GMCL1: variants seen among roughly 807,000 people sequenced by gnomAD.
GMCL1 encodes germ cell-less 1, spermatogenesis associated, also known as germ cell-less protein-like 1.
In GMCL1, 54 loss-of-function variants were observed where a neutral mutation model predicts 75.5. The ratio of observed to expected loss-of-function variants is 0.71; its 90% CI spans 0.57 to 0.90. The LOEUF is 0.90. Among genes scored for constraint, GMCL1 ranks in the 40% least tolerant of loss-of-function variants. The probability of loss-of-function intolerance (pLI) is 0.00; values close to 1 mark genes in which losing one functional copy is unlikely to be tolerated. For missense variants in GMCL1, 537 were observed against 622.7 expected (o/e 0.86, Z 1.47); for synonymous variants, 210 against 209.6 (o/e 1.00, Z -0.02).
chr2:69,854,095 G>A (rs556038923), intron 8 of GMCL1, among the ~76,000 whole-genome samples: 2 of 150,814 alleles, frequency 1.3e-5, no homozygotes, highest in East Asian at 1.9e-4. Flanking sequence ...GAGCCACCAC[G>A]CCCAGCCAAA....
rs1015437 is a variant in GMCL1, at chr2:69,878,886, G to A, written c.1453-23G>A. The A allele has an allele frequency of 0.026, 38,543 of 1,495,286 alleles. 4,619 individuals carry two copies. In the Admixed American group the frequency reaches 0.3, roughly 12 times the overall value. The allele number at this position is 1,495,286 out of a possible 1,614,324, so 92.6% of individuals were successfully genotyped here. A position where few individuals can be genotyped will look rare whatever the true frequency, so the allele number is the denominator to read the frequency against. ...GTTTTTATTTTATCTAATTGTCATT[G>A]AATCTACAAATCTGTCTTATAGGAA... On this transcript the variant is annotated intron_variant, in intron 13 of 13. Transcript: ENST00000282570.
intron 11 of GMCL1, among the ~76,000 whole-genome samples, chr2:69,867,272 T>C (rs1675847097): frequency 6.6e-6 from 1 of 152,074 alleles, no homozygotes; most frequent in African/African-American, 2.4e-5. Flanking sequence ...ACCACTACTC[T>C]TATTCTCGGT....
intron 9 of GMCL1, among the ~76,000 whole-genome samples, chr2:69,860,824 C>CGTTT (rs1469696539): frequency 1.3e-5 from 2 of 152,044 alleles, no homozygotes; most frequent in Admixed American, 6.6e-5. Context: ...CTACCAGTTT[C>CGTTT]GTTTGTTTGT....
chr2:69,843,052 C>G, intron 4 of GMCL1, 97 bp from the exon 5 acceptor site: 27 of 324,982 alleles, frequency 8.3e-5, no homozygotes, highest in East Asian at 1.1e-4. Flanking sequence ...TTTCTTTCTT[C>G]TTTTTTTTTT....
Position 69,877,639 on chromosome 2 carries a change from C to G in GMCL1, c.1453-1270C>G, listed in dbSNP as rs139279708. ...AGCACAGTCTAGGTGATGGCCTCCCCTGATTTTGTTCACTGATGTCTTTTT... is the reference window on the plus strand; with the variant it reads ...AGCACAGTCTAGGTGATGGCCTCCCGTGATTTTGTTCACTGATGTCTTTTT... On this transcript the variant is annotated intron_variant, in intron 13 of 13. Transcript: ENST00000282570. Among the ~76,000 whole-genome samples, 389 of 152,222 alleles carry G rather than the reference C, an allele frequency of 2.6e-3. 2 individuals carry two copies. The highest frequency in any genetic ancestry group is 9.0e-3 in the African/African-American group (374 of 41,522).
At chr2:69,845,238 G>A (rs746394974) in intron 6 of GMCL1, among the ~76,000 whole-genome samples, 5 of 152,352 alleles carry the variant, frequency 3.3e-5, no homozygotes, top group Middle Eastern at 3.4e-3. Flanking sequence ...CTGGTCAGAC[G>A]CAGCACAGCG....
chr2:69,846,534 T>C (rs1275773041), intron 6 of GMCL1, among the ~76,000 whole-genome samples: 2 of 152,040 alleles, frequency 1.3e-5, no homozygotes, highest in African/African-American at 2.4e-5. Flanking sequence ...CTGAAACCAA[T>C]CCCCCACAGA....
Position 69,848,591 on chromosome 2 carries a change from C to G in GMCL1, c.843+964C>G, listed in dbSNP as rs996063295. Among the ~76,000 whole-genome samples, 3 of 152,128 alleles carry G rather than the reference C, an allele frequency of 2.0e-5. 1 individual carries two copies. The South Asian group carries it at 6.2e-4, about 31-fold the overall frequency. Reference sequence around the variant, plus strand: ...GGTGTGGTGGTTCGTGCCTGTAGTCCCAGCTACTCAGCAGGCTGAGGTGGG... The same window carrying G: ...GGTGTGGTGGTTCGTGCCTGTAGTCGCAGCTACTCAGCAGGCTGAGGTGGG... On this transcript the variant is annotated intron_variant, in intron 7 of 13. Coordinates refer to ENST00000282570, the MANE Select transcript of GMCL1 (RefSeq NM_178439.5).
At chr2:69,867,762 TG>T (rs1675862008) in intron 11 of GMCL1, among the ~76,000 whole-genome samples, 1 of 152,222 alleles carries the variant, frequency 6.6e-6, no homozygotes, top group Non-Finnish European at 1.5e-5. Flanking sequence ...CGTACCCCAT[TG>T]GGTTCCACTT....
chr2:69,831,199 G>C (rs1180484479), intron 1 of GMCL1, among the ~76,000 whole-genome samples: 1 of 152,196 alleles, frequency 6.6e-6, no homozygotes, highest in African/African-American at 2.4e-5. Context: ...AATTATAGGC[G>C]TGAGCCACTG....
chr2:69,874,449 A>G (rs1283237257), intron 13 of GMCL1, among the ~76,000 whole-genome samples: 1 of 152,042 alleles, frequency 6.6e-6, no homozygotes, highest in African/African-American at 2.4e-5. Context: ...GGATTTCACC[A>G]TGTTAGCCAG....
At chr2:69,855,049 AATT>A (rs1456750086) in intron 9 of GMCL1, 89 bp downstream of exon 9, 6 of 1,033,500 alleles carry the variant, frequency 5.8e-6, no homozygotes, top group Middle Eastern at 3.0e-4. Context: ...AAGAAGTAGA[AATT>A]ATTATTAATC....
chr2:69,859,357 G>A (rs1471114872), intron 9 of GMCL1, among the ~76,000 whole-genome samples: 2 of 151,316 alleles, frequency 1.3e-5, no homozygotes, highest in Admixed American at 6.6e-5. Flanking sequence ...TTAAATATAT[G>A]TGTGTATGTG....
Position 69,861,340 on chromosome 2 carries a change from G to A in GMCL1, c.1135G>A (p.Glu379Lys), listed in dbSNP as rs1314302541. Residue 379 changes from glutamate to lysine, a missense_variant, in exon 10 of 14, where the codon GAG (glutamate) becomes AAG (lysine). Coordinates refer to ENST00000282570, the MANE Select transcript of GMCL1 (RefSeq NM_178439.5). ...TATGCTGCGGGCAGAACAGGACAGTGAGGTGGGGTAAGTATATTATACCTT... is the reference window on the plus strand; with the variant it reads ...TATGCTGCGGGCAGAACAGGACAGTAAGGTGGGGTAAGTATATTATACCTT... ...FAMLRAEQDS[E>K]VGPQEINKEE... 6.2e-7 allele frequency: 1 copy of A among 1,604,818 alleles called. No individual in the cohort carries two copies. The highest frequency in any genetic ancestry group is 8.5e-7 in the Non-Finnish European group (1 of 1,173,070).
intron 1 of GMCL1, among the ~76,000 whole-genome samples, chr2:69,831,862 C>T (rs2103938494): frequency 6.6e-6 from 1 of 152,280 alleles, no homozygotes; most frequent in East Asian, 1.9e-4. Flanking sequence ...GTTGCCTTGA[C>T]CTCCCAAAGT....
intron 8 of GMCL1, 45 bp from the exon 9 acceptor site, chr2:69,854,778 T>C (rs538431326): frequency 1.1e-4 from 169 of 1,540,052 alleles, no homozygotes; most frequent in Admixed American, 2.3e-4. Flanking sequence ...TTAAGAATAA[T>C]AGGTTTGAAA....
chr2:69,830,288 G>A, intron 1 of GMCL1, 136 bp downstream of exon 1: 1 of 1,194,202 alleles, frequency 8.4e-7, no homozygotes, highest in Non-Finnish European at 1.1e-6. Context: ...CAGGGTGAAT[G>A]TGGAAGCCGG....
chr2:69,834,900 T>C (rs1674777072), intron 1 of GMCL1, among the ~76,000 whole-genome samples: 1 of 152,172 alleles, frequency 6.6e-6, no homozygotes, highest in Admixed American at 6.5e-5. Flanking sequence ...TCTTTGTCTT[T>C]TTGCTTTATG....
Position 69,849,655 on chromosome 2 carries a change from A to T in GMCL1, c.847A>T (p.Met283Leu). 1 of 1,536,200 alleles carries T rather than the reference A, an allele frequency of 6.5e-7. No individual in the cohort carries two copies. Among genetic ancestry groups the T allele is most frequent in the Non-Finnish European group, 8.8e-7 (1 of 1,137,356 alleles). Residue 283 changes from methionine (M) to leucine (L), a missense_variant, in exon 8 of 14, where the codon ATG becomes TTG. By Grantham distance (15) the Met-to-Leu change is conservative. Around this residue, in one of 3 missense-constraint regions of GMCL1, gnomAD observed 345 missense variants for 410.5 expected, o/e 0.84. Coordinates refer to ENST00000282570, the MANE Select transcript of GMCL1 (RefSeq NM_178439.5). ...MDIYTALKKWMFLQLVPSWNG... is the reference protein window; with the variant it reads ...MDIYTALKKWLFLQLVPSWNG... Reference sequence around the variant, plus strand: ...TATTTAATTTTTTTTAACTTAGTGGATGTTCCTTCAACTTGTGCCTTCTTG... The same window carrying T: ...TATTTAATTTTTTTTAACTTAGTGGTTGTTCCTTCAACTTGTGCCTTCTTG...
Sources: allele counts gnomAD v4.1 joint callset (sites outside exome capture counted in the v4.1 genomes callset), GRCh38; gene constraint gnomAD v4.1.1; regional missense constraint gnomAD v4.1.1; transcripts MANE v1.5; gene names NCBI Gene and HGNC (gene_info 2026-07-23, HGNC 2026-07-21).